Variants in GLDC observed in about 807,000 individuals in gnomAD.
The protein encoded by GLDC is glycine decarboxylase.
Under a neutral mutation model 121.3 loss-of-function variants are expected in GLDC, and 104 were observed. The observed-to-expected ratio is 0.86, with a 90% CI of 0.73 to 1.01. The LOEUF (loss-of-function observed/expected upper bound fraction) is 1.01, where lower values mean the gene tolerates loss of function less well. GLDC is among the 50% of genes least tolerant of loss of function. GLDC has a pLI of 0.00. For missense variants in GLDC, 1,429 were observed against 1,306.6 expected, an observed-to-expected ratio of 1.09 and a Z score of -1.44; for synonymous variants, 546 against 480.6, an observed-to-expected ratio of 1.14 and a Z score of -1.78.
chr9:6,577,609 G>T (rs186375494), intron 15 of GLDC, among the ~76,000 whole-genome samples: 110 of 152,076 alleles, frequency 7.2e-4, no homozygotes, highest in African/African-American at 2.6e-3. Flanking sequence ...AAAACATAAG[G>T]ACAAAAAGTA....
At chr9:6,601,940 T>C (rs1818619114) in intron 8 of GLDC, among the ~76,000 whole-genome samples, 169 bp downstream of exon 8, 1 of 152,036 alleles carries the variant, frequency 6.6e-6, no homozygotes, top group Non-Finnish European at 1.5e-5. Context: ...CAATACTGTA[T>C]TTTGGTTCTC....
At chr9:6,606,450 A>G (rs1818735322) in intron 5 of GLDC, 142 bp downstream of exon 5, 1 of 707,506 alleles carries the variant, frequency 1.4e-6, no homozygotes, top group East Asian at 2.7e-5. Flanking sequence ...GAGGTAAGGC[A>G]AAACTCAGCA....
chr9:6,544,754 CT>C (rs971139078), intron 21 of GLDC, among the ~76,000 whole-genome samples: 9 of 151,830 alleles, frequency 5.9e-5, no homozygotes. Flanking sequence ...CAGATCAAAC[CT>C]TTGCCTCCTA....
chr9:6,589,544 C>T (rs1818336764), intron 11 of GLDC, among the ~76,000 whole-genome samples: 1 of 152,156 alleles, frequency 6.6e-6, no homozygotes, highest in Non-Finnish European at 1.5e-5. Context: ...CCTCCTACCT[C>T]AGTCTCCTGA....
At chr9:6,639,462 C>T (rs1034444255) in intron 2 of GLDC, 7 of 900,982 alleles carry the variant, frequency 7.8e-6, no homozygotes, top group Non-Finnish European at 1.3e-5. Context: ...CAACAAGCAC[C>T]AGATTAAACA....
intron 2 of GLDC, among the ~76,000 whole-genome samples, chr9:6,624,187 A>G (rs1409486979): frequency 6.6e-6 from 1 of 152,242 alleles, no homozygotes; most frequent in Non-Finnish European, 1.5e-5. Context: ...GAGATGGATA[A>G]GAGGAGTGTT....
rs1405552934 is a variant in GLDC at position 6,588,399 on chromosome 9, A to C, written c.1707+2T>G. On this transcript the variant is annotated splice_donor_variant, in intron 14 of 24. Transcript: ENST00000321612. LOFTEE classifies it high-confidence loss of function. ...ATCCACTTACAGAAGTGAGCTACTT[A>C]CTGCGAGTTCAGACGAACTGTTCAG... The C allele has an allele frequency of 6.2e-7, 1 of 1,608,280 alleles. No individual in the cohort carries two copies. The highest frequency in any genetic ancestry group is 8.5e-7 in the Non-Finnish European group (1 of 1,174,810).
At chr9:6,615,079 C>T (rs1053571908) in intron 3 of GLDC, among the ~76,000 whole-genome samples, 6 of 152,176 alleles carry the variant, frequency 3.9e-5, no homozygotes, top group African/African-American at 7.2e-5. Flanking sequence ...AACTAAACGT[C>T]GCTCTAGCCA....
chr9:6,622,734 G>A (rs1022872372), intron 2 of GLDC: 4 of 201,446 alleles, frequency 2.0e-5, no homozygotes, highest in Non-Finnish European at 3.0e-5. Context: ...CCCTCTGCCT[G>A]GCTGCCCAGT....
chr9:6,554,924 CTCT>C (rs1817589170), intron 18 of GLDC, 143 bp from the exon 19 acceptor site: 1 of 718,416 alleles, frequency 1.4e-6, no homozygotes, highest in Admixed American at 2.0e-5. Context: ...CAGAAATGTC[CTCT>C]ATACTGGCCC....
Position 6,595,012 on chromosome 9 carries a change from A to C in GLDC, c.1261+2T>G. ...AATGTTTTAGACAGATTACCAACTC[A>C]CCTTCTGACAAAATCAAAGTGGCAT... On this transcript the variant is annotated splice_donor_variant, in intron 9 of 24. Transcript: ENST00000321612. LOFTEE classifies it high-confidence loss of function. 2.6e-6 allele frequency: 4 copies of C among 1,548,942 alleles called. No individual in the cohort carries two copies. Among genetic ancestry groups the C allele is most frequent in the Non-Finnish European group, 3.6e-6 (4 of 1,120,452 alleles).
At chr9:6,535,055 C>A (rs1241769315) in intron 23 of GLDC, among the ~76,000 whole-genome samples, 2 of 152,202 alleles carry the variant, frequency 1.3e-5, no homozygotes, top group African/African-American at 4.8e-5. Flanking sequence ...AAATTACCTA[C>A]ACGTTTGGTG....
intron 2 of GLDC, among the ~76,000 whole-genome samples, chr9:6,638,452 T>G (rs1177472179): frequency 6.6e-6 from 1 of 152,030 alleles, no homozygotes; most frequent in African/African-American, 2.4e-5. Flanking sequence ...GGACCTCAGA[T>G]GATCCACCCG....
intron 2 of GLDC, among the ~76,000 whole-genome samples, chr9:6,621,502 G>C (rs893338164): frequency 6.6e-6 from 1 of 152,084 alleles, no homozygotes; most frequent in Non-Finnish European, 1.5e-5. Flanking sequence ...TACATGGACA[G>C]CTCTTATACT....
At chr9:6,619,783 C>G in intron 3 of GLDC, among the ~76,000 whole-genome samples, 1 of 152,132 alleles carries the variant, frequency 6.6e-6, no homozygotes, top group East Asian at 1.9e-4. Context: ...GATTCTCTCC[C>G]AGACTCCACC....
At chr9:6,591,010 A>T (rs952827999) in intron 11 of GLDC, among the ~76,000 whole-genome samples, 6 of 152,228 alleles carry the variant, frequency 3.9e-5, no homozygotes, top group African/African-American at 1.4e-4. Flanking sequence ...ACAAATATTT[A>T]CTTAGTGATT....
chr9:6,549,955 G>A (rs760707797), intron 21 of GLDC, among the ~76,000 whole-genome samples: 5 of 152,294 alleles, frequency 3.3e-5, no homozygotes, highest in Non-Finnish European at 5.9e-5. Flanking sequence ...AGGCCTTCAA[G>A]GCCCCACGCT....
intron 21 of GLDC, among the ~76,000 whole-genome samples, chr9:6,546,014 C>G (rs930125024): frequency 3.3e-5 from 5 of 152,218 alleles, no homozygotes; most frequent in Admixed American, 2.6e-4. Flanking sequence ...ACTTTAAACA[C>G]AAATACATTG....
Position 6,606,948 on chromosome 9 carries a change from G to T in GLDC, c.636-279C>A, listed in dbSNP as rs142517068. Among the ~76,000 whole-genome samples, 1,236 of 151,850 alleles carry T rather than the reference G, an allele frequency of 8.1e-3. 9 individuals are homozygous for T. Among genetic ancestry groups the T allele is most frequent in the African/African-American group, 0.028 (1,162 of 41,412 alleles). On this transcript the variant is annotated intron_variant, in intron 4 of 24. Coordinates refer to ENST00000321612, the MANE Select transcript of GLDC (RefSeq NM_000170.3). ...TTAGCCGGTGCATGCCTGTAATCCC[G>T]GCTACTTGGGAGGCTGAGGCCAGAG...
Sources: gnomAD v4.1 joint callset for allele counts (sites outside exome capture counted in the v4.1 genomes callset) on GRCh38, gnomAD v4.1.1 for gene constraint, MANE v1.5 for transcripts, NCBI Gene and HGNC (gene_info 2026-07-23, HGNC 2026-07-21) for gene names.